The following MOGAT2 variants were observed in gnomAD, a reference collection of about 807,000 sequenced individuals.
MOGAT2 encodes 2-acylglycerol O-acyltransferase 2.
In MOGAT2, 27 loss-of-function variants were observed where a neutral mutation model predicts 31.5. The ratio of observed to expected loss-of-function variants is 0.86; its 90% CI spans 0.63 to 1.18. The LOEUF (loss-of-function observed/expected upper bound fraction) is 1.18. MOGAT2 is among the 50% of genes most tolerant of loss of function. MOGAT2 has a pLI of 0.00. For synonymous variants in MOGAT2, 163 were observed against 170.0 expected, an observed-to-expected ratio of 0.96 and a Z score of 0.32; for missense variants, 436 against 433.2, an observed-to-expected ratio of 1.01 and a Z score of -0.06.
At chr11:75,728,375 C>T in intron 4 of MOGAT2, 2 of 668,258 alleles carry the variant, frequency 3.0e-6, no homozygotes, top group Non-Finnish European at 5.4e-6. Flanking sequence ...TTCCACAAAG[C>T]TGGCATTTGA....
intron 5 of MOGAT2, among the ~76,000 whole-genome samples, chr11:75,730,036 C>A (rs545990162): frequency 6.6e-6 from 1 of 152,262 alleles, no homozygotes; most frequent in South Asian, 2.1e-4. Context: ...TAAGCCACCA[C>A]GCCTGGCCTC....
chr11:75,728,644 A>C, intron 4 of MOGAT2, 146 bp from the exon 5 acceptor site: 2 of 676,746 alleles, frequency 3.0e-6, no homozygotes. Context: ...GGTCTGGGAG[A>C]TAACCCAGGC....
intron 4 of MOGAT2, chr11:75,728,448 C>T (rs547527500): frequency 1.8e-6 from 1 of 553,262 alleles, no homozygotes; most frequent in African/African-American, 1.9e-5. Flanking sequence ...GTTCTCCCTC[C>T]TTGGGGTGAA....
At chr11:75,726,598 G>A (rs905717355) in intron 2 of MOGAT2, among the ~76,000 whole-genome samples, 35 of 151,652 alleles carry the variant, frequency 2.3e-4, no homozygotes, top group African/African-American at 8.0e-4. Context: ...AAAAAAGTCT[G>A]TATATATTCA....
chr11:75,728,804 C>T lies in MOGAT2; in HGVS notation c.665C>T (p.Pro222Leu). The T allele has an allele frequency of 6.2e-7, 1 of 1,614,152 alleles. No homozygotes were observed. The highest frequency in any genetic ancestry group is 8.5e-7 in the Non-Finnish European group (1 of 1,180,022). ...LALTHGAPLV[P>L]IFSFGENDLF... Reference sequence around the variant, plus strand: ...TTTGTCTCCAGGGCACCCCTGGTGCCAATCTTCTCCTTCGGGGAGAATGAC... The same window carrying T: ...TTTGTCTCCAGGGCACCCCTGGTGCTAATCTTCTCCTTCGGGGAGAATGAC... The change falls in exon 5 of 6, where the codon CCA (proline) becomes CTA (leucine). Residue 222 changes from proline to leucine, a missense_variant. Transcript: ENST00000198801.
At chr11:75,729,100 C>A in intron 5 of MOGAT2, 111 bp downstream of exon 5, 1 of 978,834 alleles carries the variant, frequency 1.0e-6, no homozygotes, top group Non-Finnish European at 1.6e-6. Flanking sequence ...ATGGGGCTCA[C>A]ATTCTAGACT....
chr11:75,729,753 G>GTTTTTTTTTTTTTTTTTTTTTTTTTTT (rs1565302434), intron 5 of MOGAT2, among the ~76,000 whole-genome samples: 1 of 129,704 alleles, frequency 7.7e-6, no homozygotes, highest in Non-Finnish European at 1.6e-5. Flanking sequence ...TTTTTTTTTT[G>GTTTTTTTTTTTTTTTTTTTTTTTTTTT]TTTTTTTTTG....
chr11:75,724,909 T>C (rs940195625), intron 2 of MOGAT2, among the ~76,000 whole-genome samples: 1 of 152,224 alleles, frequency 6.6e-6, no homozygotes, highest in African/African-American at 2.4e-5. Flanking sequence ...CAGAAAAAGC[T>C]GCTGTACTTC....
chr11:75,719,845 C>A (rs1944360856), intron 1 of MOGAT2, 147 bp from the exon 2 acceptor site: 1 of 749,890 alleles, frequency 1.3e-6, no homozygotes, highest in East Asian at 2.5e-5. Flanking sequence ...TTTGAATGCC[C>A]CGGAAGCTGC....
chr11:75,719,140 C>T (rs779505937), intron 1 of MOGAT2, among the ~76,000 whole-genome samples: 3 of 152,224 alleles, frequency 2.0e-5, no homozygotes, highest in Non-Finnish European at 1.5e-5. Flanking sequence ...ACATTTTACA[C>T]ATTCCTGTAT....
chr11:75,720,005 T>G lies in MOGAT2; in HGVS notation c.105T>G (p.Thr35=). 6.2e-7 allele frequency: 1 copy of G among 1,613,998 alleles called. No homozygotes were observed. Among genetic ancestry groups the G allele is most frequent in the East Asian group, 2.2e-5 (1 of 44,886 alleles). ...FSFLALAEIC[T]VGFIALLFTR... ...TTCCCTCCCCAGCCGAGATCTGCAC[T>G]GTGGGCTTCATAGCCCTCCTGTTTA... Residue 35 remains threonine, a synonymous_variant, in exon 2 of 6, where the codon ACT becomes ACG. Coordinates refer to ENST00000198801, the MANE Select transcript of MOGAT2 (RefSeq NM_025098.4).
intron 2 of MOGAT2, among the ~76,000 whole-genome samples, chr11:75,723,476 C>T (rs545910446): frequency 6.6e-6 from 1 of 150,712 alleles, no homozygotes; most frequent in South Asian, 2.1e-4. Flanking sequence ...ACTGCCCAGG[C>T]CCCGCAGGGA....
At chr11:75,727,927 T>C (rs753033172) in intron 3 of MOGAT2, 43 bp from the exon 4 acceptor site, 3 of 1,539,412 alleles carry the variant, frequency 1.9e-6, no homozygotes, top group Non-Finnish European at 1.8e-6. Flanking sequence ...TCATAGCCCC[T>C]GCTCCCTCAC....
At position 75,720,081 on chromosome 11, in the gene MOGAT2, C is replaced by T. The variant is rs1456751881; in HGVS notation, c.181C>T (p.Arg61Ter). 32 of 1,614,032 alleles carry T rather than the reference C, an allele frequency of 2.0e-5. No homozygotes were observed. Among genetic ancestry groups the T allele is most frequent in the East Asian group, 8.9e-5 (4 of 44,892 alleles). ...VLYAAWWYLDRDKPRQGGRHI... is the reference protein window; with the variant it reads ...VLYAAWWYLD ...GTATGCGGCCTGGTGGTATCTGGAC[C>T]GAGACAAGCCACGGCAGGGGGGCCG... The change falls in exon 2 of 6, where the codon CGA becomes TGA. Residue 61 changes from arginine (R) to a stop codon, truncating the protein, a stop_gained. Coordinates refer to ENST00000198801, the MANE Select transcript of MOGAT2 (RefSeq NM_025098.4). LOFTEE classifies it high-confidence loss of function.
chr11:75,718,340 G>A (rs1161893823), intron 1 of MOGAT2, among the ~76,000 whole-genome samples: 1 of 152,210 alleles, frequency 6.6e-6, no homozygotes, highest in Non-Finnish European at 1.5e-5. Context: ...AGAGAGGAGA[G>A]ATTTCCTTCT....
intron 2 of MOGAT2, among the ~76,000 whole-genome samples, chr11:75,724,556 G>A (rs541217480): frequency 6.6e-6 from 1 of 152,162 alleles, no homozygotes; most frequent in African/African-American, 2.4e-5. Context: ...CAGCTACTCG[G>A]GAGGCTAAGG....
At chr11:75,719,966 C>CT (rs1295789050) in intron 1 of MOGAT2, 26 bp from the exon 2 acceptor site, 4 of 1,608,758 alleles carry the variant, frequency 2.5e-6, no homozygotes, top group African/African-American at 1.3e-5. Context: ...ACCCCTGTCC[C>CT]TGACAGCTCC....
Position 75,717,989 on chromosome 11 carries a change from G to C in MOGAT2, c.91+10G>C, listed in dbSNP as rs755188491. 2 of 1,613,716 alleles carry C rather than the reference G, an allele frequency of 1.2e-6. No homozygotes were observed. The highest frequency in any genetic ancestry group is 1.7e-6 in the Non-Finnish European group (2 of 1,179,662). The stretch of plus-strand genomic sequence containing the variant: ...TCCTTCTTGGCACTGGGTAAGTTGG[G>C]CTGCACTGTAAGACGGGAGACCACC... On this transcript the variant is annotated intron_variant, in intron 1 of 5. Transcript: ENST00000198801.
chr11:75,727,142 T>C (rs1378147835), intron 2 of MOGAT2, among the ~76,000 whole-genome samples: 1 of 152,048 alleles, frequency 6.6e-6, no homozygotes, highest in African/African-American at 2.4e-5. Context: ...CCCTAGGAGG[T>C]AGCAGGGACA....
Sources: allele counts gnomAD v4.1 joint callset (sites outside exome capture counted in the v4.1 genomes callset), GRCh38; gene constraint gnomAD v4.1.1; transcripts MANE v1.5; gene names NCBI Gene and HGNC (gene_info 2026-07-23, HGNC 2026-07-21).